Variants in CCDC102A observed in about 807,000 individuals in gnomAD.
CCDC102A encodes the protein coiled-coil domain-containing protein 102A.
In CCDC102A, 40 loss-of-function variants were observed where a neutral mutation model predicts 55.5. The observed-to-expected ratio is 0.72, with a 90% CI of 0.56 to 0.94. The LOEUF (loss-of-function observed/expected upper bound fraction) is 0.94, where lower values mean the gene tolerates loss of function less well. CCDC102A is among the 40% of genes least tolerant of loss of function. The probability of loss-of-function intolerance (pLI) is 0.00; values close to 1 mark genes in which losing one functional copy is unlikely to be tolerated. For missense variants in CCDC102A, 779 were observed against 768.6 expected, an observed-to-expected ratio of 1.01 and a Z score of -0.16; for synonymous variants, 323 against 339.0, an observed-to-expected ratio of 0.95 and a Z score of 0.52.
chr16:57,512,752 G>T lies in CCDC102A; in HGVS notation c.1642C>A (p.Gln548Lys). ...DLDEDEDLQIQVA is the reference protein window; with the variant it reads ...DLDEDEDLQIKVA The stretch of plus-strand genomic sequence containing the variant: ...AGCCACAGGAAGCTCTAGGCCACCT[G>T]GATTTGCAGGTCCTCGTCCTCGTCC... The change falls in exon 9 of 9, where the codon CAG becomes AAG. Residue 548 changes from glutamine to lysine, a missense_variant. Transcript: ENST00000258214. 1 of 1,613,970 alleles carries T rather than the reference G, an allele frequency of 6.2e-7. No individual in the cohort carries two copies. The highest frequency in any genetic ancestry group is 8.5e-7 in the Non-Finnish European group (1 of 1,179,906).
intron 3 of CCDC102A, among the ~76,000 whole-genome samples, chr16:57,523,219 C>G (rs2032080497): frequency 6.6e-6 from 1 of 151,968 alleles, no homozygotes; most frequent in Admixed American, 6.6e-5. Context: ...AGTTAGTGCA[C>G]TAGGTTGATT....
Position 57,528,627 on chromosome 16 carries a change from C to G in CCDC102A, c.551G>C (p.Arg184Pro), listed in dbSNP as rs1252741681. 12 of 1,256,264 alleles carry G rather than the reference C, an allele frequency of 9.6e-6. No homozygotes were observed. Among genetic ancestry groups the G allele is most frequent in the Non-Finnish European group, 1.2e-5 (12 of 993,396 alleles). The allele number at this position is 1,256,264 out of a possible 1,614,324, so 77.8% of individuals were successfully genotyped here. ...TGGCGGCCTCTCGGACCCGACGTCA[C>G]GCACTGGCTCGCGCTCCGCTTCCGG... ...PEPEAEREPV[R>P]DVGSERPPGS... Residue 184 changes from arginine to proline, a missense_variant, in exon 2 of 9, where the codon CGT becomes CCT. By Grantham distance (103) the Arg-to-Pro change is moderately radical. Transcript: ENST00000258214.
chr16:57,521,691 G>T (rs1442804564), intron 3 of CCDC102A, among the ~76,000 whole-genome samples: 2 of 152,180 alleles, frequency 1.3e-5, no homozygotes, highest in Non-Finnish European at 2.9e-5. Context: ...TCTTGCCATC[G>T]ACACTGTGTG....
rs1225248403 is a variant in CCDC102A at position 57,528,828 on chromosome 16, C to G, written c.350G>C (p.Arg117Pro). The G allele has an allele frequency of 2.3e-6, 3 of 1,281,300 alleles. No homozygotes were observed. The highest frequency in any genetic ancestry group is 3.0e-6 in the Non-Finnish European group (3 of 1,003,220). 79.4% of individuals were successfully genotyped at this position (1,281,300 alleles called of 1,614,324 possible). A position where few individuals can be genotyped will look rare whatever the true frequency, so the allele number is the denominator to read the frequency against. ...CAGCTGGCGCACCTCCTCGCGCGCG[C>G]GGTTGCGCTCAGCGCGCACCTTGCT... ...KWSKVRAERN[R>P]AREEVRQLRQ... The change falls in exon 2 of 9, where the codon CGC (arginine) becomes CCC (proline). Residue 117 changes from arginine (R) to proline (P), a missense_variant. Coordinates refer to ENST00000258214, the MANE Select transcript of CCDC102A (RefSeq NM_033212.4).
chr16:57,530,494 T>G (rs1405159243), intron 1 of CCDC102A, among the ~76,000 whole-genome samples: 1 of 152,172 alleles, frequency 6.6e-6, no homozygotes, highest in African/African-American at 2.4e-5. Context: ...TCGGTGGGAC[T>G]CGGCACTGGC....
At chr16:57,514,892 T>C (rs540248759) in intron 8 of CCDC102A, among the ~76,000 whole-genome samples, 9 of 152,158 alleles carry the variant, frequency 5.9e-5, no homozygotes, top group African/African-American at 2.2e-4. Context: ...CAGAGTGTGC[T>C]GGGTGGGGCC....
intron 1 of CCDC102A, among the ~76,000 whole-genome samples, chr16:57,536,034 C>T (rs1354873710): frequency 6.6e-6 from 1 of 152,168 alleles, no homozygotes; most frequent in Non-Finnish European, 1.5e-5. Context: ...GAGGGGGTTC[C>T]CGGCCCGCGC....
chr16:57,521,032 C>T (rs371525186), intron 4 of CCDC102A, 36 bp downstream of exon 4: 28 of 1,390,794 alleles, frequency 2.0e-5, no homozygotes, highest in South Asian at 1.6e-4. Flanking sequence ...GCGATCCTGC[C>T]GCCTCCAGGA....
chr16:57,525,817 C>T (rs113975593), intron 3 of CCDC102A, 84 bp downstream of exon 3: 18 of 1,234,222 alleles, frequency 1.5e-5, no homozygotes, highest in African/African-American at 1.5e-5. Flanking sequence ...CTGTCATCTT[C>T]GTGAGTCTAA....
intron 2 of CCDC102A, 148 bp downstream of exon 2, chr16:57,528,445 G>A (rs2032180986): frequency 2.4e-6 from 1 of 414,604 alleles, no homozygotes; most frequent in Non-Finnish European, 3.4e-6. Context: ...AATGATGTGA[G>A]GCCCCGCAAG....
intron 8 of CCDC102A, 117 bp downstream of exon 8, chr16:57,515,224 G>C: frequency 1.4e-6 from 1 of 705,672 alleles, no homozygotes; most frequent in Middle Eastern, 2.6e-4. Flanking sequence ...CTGGCTCCAG[G>C]CACCTGGATC....
intron 1 of CCDC102A, among the ~76,000 whole-genome samples, chr16:57,531,417 T>C (rs763530675): frequency 5.9e-5 from 9 of 152,102 alleles, no homozygotes; most frequent in Non-Finnish European, 1.2e-4. Context: ...CCACCTTCTT[T>C]GTCCACAGTC....
rs561617257 is a variant in CCDC102A, at chr16:57,516,957, A to G, written c.1249-494T>C. Among the ~76,000 whole-genome samples the G allele has an allele frequency of 1.2e-4, 19 of 152,236 alleles. No individual in the cohort carries two copies. Among genetic ancestry groups the G allele is most frequent in the African/African-American group, 4.6e-4 (19 of 41,536 alleles). On this transcript the variant is annotated intron_variant, in intron 6 of 8. Coordinates refer to ENST00000258214, the MANE Select transcript of CCDC102A (RefSeq NM_033212.4). The surrounding 1 kb of genome is among the most constrained non-coding windows in gnomAD (Gnocchi z 4.4). Reference sequence around the variant, plus strand: ...CTAAGCCTCAGTTTCCATTTCTGTAAAATGGGAATAGGCATTGCCTAAAGG... The same window carrying G: ...CTAAGCCTCAGTTTCCATTTCTGTAGAATGGGAATAGGCATTGCCTAAAGG...
Position 57,512,383 on chromosome 16 carries a change from G to A in CCDC102A, c.*358C>T, listed in dbSNP as rs2031877347. ...GCGAAGCCTAGAGAGGCAGCCCAGG[G>A]TGGGGCTCCAACAACTGCCCCCAAC... On this transcript the variant is annotated 3_prime_UTR_variant, in exon 9 of 9. Coordinates refer to ENST00000258214, the MANE Select transcript of CCDC102A (RefSeq NM_033212.4). 4 of 400,440 alleles carry A rather than the reference G, an allele frequency of 1.0e-5. No homozygotes were observed. In the East Asian group the frequency reaches 1.4e-4, roughly 14 times the overall value. 24.8% of individuals were successfully genotyped at this position (400,440 alleles called of 1,614,324 possible). A position where few individuals can be genotyped will look rare whatever the true frequency, so the allele number is the denominator to read the frequency against.
chr16:57,517,118 TCA>T (rs1296496110), intron 6 of CCDC102A, among the ~76,000 whole-genome samples: 14 of 152,030 alleles, frequency 9.2e-5, no homozygotes, highest in Admixed American at 2.0e-4. Flanking sequence ...CACAGCCTGC[TCA>T]CACTCCCCTC....
chr16:57,534,535 C>A (rs1234880281), intron 1 of CCDC102A, among the ~76,000 whole-genome samples: 1 of 152,178 alleles, frequency 6.6e-6, no homozygotes, highest in East Asian at 1.9e-4. Context: ...CCTTCTCTAA[C>A]CTCTCTGCAC....
chr16:57,527,903 C>T (rs545356401), intron 2 of CCDC102A, among the ~76,000 whole-genome samples: 1 of 152,368 alleles, frequency 6.6e-6, no homozygotes, highest in Admixed American at 6.5e-5. Context: ...GGCCTCTAGA[C>T]TTTTTGCACA....
rs751190067 is a variant in CCDC102A, at chr16:57,518,180, C to T, written c.1136G>A (p.Arg379Gln). 54 of 1,612,502 alleles carry T rather than the reference C, an allele frequency of 3.3e-5. No individual in the cohort carries two copies. Among genetic ancestry groups the T allele is most frequent in the Non-Finnish European group, 4.2e-5 (49 of 1,179,904 alleles). The change falls in exon 6 of 9, where the codon CGG (arginine) becomes CAG (glutamine). Residue 379 changes from arginine to glutamine, a missense_variant. Arg to Gln is a conservative substitution (Grantham distance 43). Transcript: ENST00000258214. ...CTCCTCCAGGTCTCCGACCTGTGCC[C>T]GCAGCTTCTTGTTCTCCCGCTCAAG... is the stretch of plus-strand genomic sequence containing the variant. ...LGLERENKKL[R>Q]AQVGDLEEAL...
chr16:57,517,742 T>C (rs1381006683), intron 6 of CCDC102A, among the ~76,000 whole-genome samples: 6 of 152,160 alleles, frequency 3.9e-5, no homozygotes, highest in Non-Finnish European at 7.4e-5. Context: ...CTGGTGACCA[T>C]GAAGCTGTGT....
Sources: gnomAD v4.1 joint callset for allele counts (sites outside exome capture counted in the v4.1 genomes callset) on GRCh38, gnomAD v4.1.1 for gene constraint, Gnocchi (gnomAD v3.1) non-coding constraint, MANE v1.5 for transcripts, NCBI Gene and HGNC (gene_info 2026-07-23, HGNC 2026-07-21) for gene names.